RPS6KC1: variants seen among roughly 807,000 people sequenced by gnomAD.
RPS6KC1 encodes ribosomal protein S6 kinase C1, also known as inactive ribosomal protein S6 kinase delta-1.
A neutral mutation model predicts 103.8 loss-of-function variants in RPS6KC1; 54 were observed. The observed-to-expected ratio is 0.52, with a 90% CI of 0.42 to 0.65. The LOEUF (loss-of-function observed/expected upper bound fraction) is 0.65, where lower values mean the gene tolerates loss of function less well. RPS6KC1 is among the 30% of genes least tolerant of loss of function. The pLI is 0.00. For missense variants in RPS6KC1, 1,151 were observed against 1,253.8 expected, an observed-to-expected ratio of 0.92 and a Z score of 1.24; for synonymous variants, 439 against 438.7, an observed-to-expected ratio of 1.00 and a Z score of -0.01.
At chr1:213,325,505 A>G in the RPS6KC1 span, among the ~76,000 whole-genome samples, 38 of 152,340 alleles carry the variant, frequency 2.5e-4, no homozygotes, top group African/African-American at 8.4e-4. Context: ...TACGCGCTCC[A>G]TGCACTTTGC....
the RPS6KC1 span, among the ~76,000 whole-genome samples, chr1:213,636,080 C>A: frequency 2.0e-5 from 3 of 152,234 alleles, no homozygotes; most frequent in South Asian, 2.1e-4. Context: ...AGTACCTCTT[C>A]AAGGAGAACT....
chr1:213,834,754 G>A, the RPS6KC1 span, among the ~76,000 whole-genome samples: 3 of 151,936 alleles, frequency 2.0e-5, no homozygotes, highest in Non-Finnish European at 2.9e-5. Context: ...CTAAAACTGA[G>A]CAGGTCATTT....
At chr1:213,192,132 A>G (rs546048469) in intron 8 of RPS6KC1, among the ~76,000 whole-genome samples, 54 of 152,216 alleles carry the variant, frequency 3.5e-4, no homozygotes, top group Non-Finnish European at 6.3e-4. Flanking sequence ...ATGCATTTTC[A>G]GCATCAGTTG....
chr1:213,153,303 AGGCAGGGGCAGG>A (rs879621634), intron 6 of RPS6KC1, among the ~76,000 whole-genome samples: 99 of 142,992 alleles, frequency 6.9e-4, no homozygotes, highest in Admixed American at 4.4e-3. Flanking sequence ...GCAGGCACAG[AGGCAGGGGCAGG>A]GGCAGGGGCA....
the RPS6KC1 span, among the ~76,000 whole-genome samples, chr1:213,806,433 C>T: frequency 0.28 from 42,767 of 152,020 alleles, 9,974 homozygotes; most frequent in African/African-American, 0.63. Flanking sequence ...TGTAGGTCAC[C>T]CAGGACTTAC....
At chr1:213,445,128 C>T in the RPS6KC1 span, among the ~76,000 whole-genome samples, 1 of 152,096 alleles carries the variant, frequency 6.6e-6, no homozygotes, top group Non-Finnish European at 1.5e-5. Flanking sequence ...CTGGCTTGTT[C>T]GACTTAGCAT....
the RPS6KC1 span, among the ~76,000 whole-genome samples, chr1:213,409,672 G>A: frequency 6.6e-6 from 1 of 152,208 alleles, no homozygotes. Context: ...GTGAATGGGT[G>A]CTGTTTTCCA....
At chr1:213,629,793 T>C in the RPS6KC1 span, among the ~76,000 whole-genome samples, 10 of 152,198 alleles carry the variant, frequency 6.6e-5, no homozygotes, top group Non-Finnish European at 8.8e-5. Context: ...TGACAAAATC[T>C]CTCAGCATTT....
chr1:213,736,707 G>A, the RPS6KC1 span, among the ~76,000 whole-genome samples: 1 of 152,156 alleles, frequency 6.6e-6, no homozygotes, highest in Non-Finnish European at 1.5e-5. Context: ...TCCCAAACCA[G>A]CCAAATCTGT....
At chr1:213,694,871 G>A in the RPS6KC1 span, among the ~76,000 whole-genome samples, 1 of 152,192 alleles carries the variant, frequency 6.6e-6, no homozygotes, top group Non-Finnish European at 1.5e-5. Flanking sequence ...TCAGGTATGA[G>A]GGATGGCAGG....
chr1:213,759,454 C>A, the RPS6KC1 span, among the ~76,000 whole-genome samples: 6 of 152,194 alleles, frequency 3.9e-5, no homozygotes, highest in East Asian at 1.2e-3. Flanking sequence ...TTATATATTT[C>A]TGTTTCATTT....
At chr1:213,079,158 A>G (rs188548641) in intron 3 of RPS6KC1, among the ~76,000 whole-genome samples, 39 of 152,282 alleles carry the variant, frequency 2.6e-4, no homozygotes, top group Non-Finnish European at 4.9e-4. Flanking sequence ...TAATATGTAC[A>G]TAGTATTCCA....
the RPS6KC1 span, among the ~76,000 whole-genome samples, chr1:213,372,346 A>C: frequency 6.6e-6 from 1 of 152,106 alleles, no homozygotes; most frequent in Non-Finnish European, 1.5e-5. Flanking sequence ...CTATTGAGAA[A>C]CCACCTATCA....
chr1:213,689,875 A>C, the RPS6KC1 span, among the ~76,000 whole-genome samples: 17 of 152,176 alleles, frequency 1.1e-4, no homozygotes, highest in Admixed American at 1.1e-3. Flanking sequence ...ATCAATGTAC[A>C]CCCATTGACA....
At chr1:213,128,426 C>T (rs970058575) in intron 5 of RPS6KC1, among the ~76,000 whole-genome samples, 5 of 152,110 alleles carry the variant, frequency 3.3e-5, no homozygotes, top group Non-Finnish European at 5.9e-5. Flanking sequence ...TTCACAGATA[C>T]AATTCACATG....
the RPS6KC1 span, among the ~76,000 whole-genome samples, chr1:213,524,473 G>A: frequency 0.014 from 2,052 of 151,806 alleles, 19 homozygotes; most frequent in Middle Eastern, 0.034. Context: ...TCTGATAGAA[G>A]AACTGTGACC....
chr1:213,650,457 C>T, the RPS6KC1 span, among the ~76,000 whole-genome samples: 1 of 152,186 alleles, frequency 6.6e-6, no homozygotes, highest in Admixed American at 6.5e-5. Context: ...CTCATGGAGG[C>T]ACAAGCTCCC....
the RPS6KC1 span, among the ~76,000 whole-genome samples, chr1:213,623,846 G>T: frequency 6.6e-6 from 1 of 152,220 alleles, no homozygotes; most frequent in African/African-American, 2.4e-5. Context: ...GTGGAGGGCA[G>T]CAAGGTGCTG....
the RPS6KC1 span, among the ~76,000 whole-genome samples, chr1:213,723,192 G>A: frequency 6.6e-6 from 1 of 152,100 alleles, no homozygotes; most frequent in Admixed American, 6.6e-5. Context: ...AAGAAAAAAG[G>A]GAGTATTCTC....
Sources: gnomAD v4.1 joint callset for allele counts (sites outside exome capture counted in the v4.1 genomes callset) on GRCh38, gnomAD v4.1.1 for gene constraint, MANE v1.5 for transcripts, NCBI Gene and HGNC (gene_info 2026-07-23, HGNC 2026-07-21) for gene names.